The following RPS6KA6 variants were observed in gnomAD, a reference collection of about 807,000 sequenced individuals.
RPS6KA6 encodes ribosomal protein S6 kinase A6.
Under a neutral mutation model 65.4 loss-of-function variants are expected in RPS6KA6, and 27 were observed. That is an observed-to-expected ratio of 0.41 (90% CI 0.30 to 0.57). The LOEUF (loss-of-function observed/expected upper bound fraction) is 0.57, where lower values mean the gene tolerates loss of function less well. Ranked by LOEUF, RPS6KA6 falls within the 20% of genes least tolerant of loss-of-function variation. The probability of loss-of-function intolerance (pLI) is 0.24; values close to 1 mark genes in which losing one functional copy is unlikely to be tolerated. For synonymous variants in RPS6KA6, 190 were observed against 184.2 expected, an observed-to-expected ratio of 1.03 and a Z score of -0.26; for missense variants, 486 against 555.6, an observed-to-expected ratio of 0.87 and a Z score of 1.26.
chrX:84,152,142 C>T (rs1378145797), intron 3 of RPS6KA6, among the ~76,000 whole-genome samples: 1 of 111,187 alleles, frequency 9.0e-6, no homozygotes, highest in Non-Finnish European at 1.9e-5. Context: ...CCCAATATGG[C>T]ATTTAATAGG....
chrX:84,170,513 C>CTGGG (rs1253362038), intron 1 of RPS6KA6, among the ~76,000 whole-genome samples: 9 of 110,367 alleles, frequency 8.2e-5, no homozygotes, highest in Non-Finnish European at 1.7e-4. Context: ...ACTTGTAATC[C>CTGGG]CAGCTACTGG....
intron 20 of RPS6KA6, among the ~76,000 whole-genome samples, chrX:84,072,382 T>C (rs1240035905): frequency 8.9e-6 from 1 of 111,765 alleles, no homozygotes; most frequent in African/African-American, 3.2e-5. Context: ...TTAAACAAAT[T>C]AGGTATAGAA....
intron 12 of RPS6KA6, among the ~76,000 whole-genome samples, chrX:84,108,378 C>A: frequency 8.9e-6 from 1 of 111,983 alleles, no homozygotes. Flanking sequence ...AGCTAGTGGG[C>A]TAGTGGATGC....
intron 20 of RPS6KA6, among the ~76,000 whole-genome samples, chrX:84,089,126 G>T (rs2033990920): frequency 8.9e-6 from 1 of 111,851 alleles, no homozygotes; most frequent in Non-Finnish European, 1.9e-5. Flanking sequence ...AGTGAGGAGA[G>T]ATGGATTGGG....
intron 3 of RPS6KA6, among the ~76,000 whole-genome samples, chrX:84,149,907 C>T (rs1352407477): frequency 8.9e-6 from 1 of 112,025 alleles, no homozygotes; most frequent in African/African-American, 3.2e-5. Context: ...CTATGAAAGG[C>T]TAGATGGCAT....
chrX:84,119,842 T>A (rs1446263578), intron 9 of RPS6KA6, 43 bp downstream of exon 9: 28 of 1,043,570 alleles, frequency 2.7e-5, no homozygotes, highest in Non-Finnish European at 3.5e-5. Flanking sequence ...ATAAGTAATA[T>A]CAATCACAGG....
At chrX:84,169,897 G>T (rs2035653555) in intron 1 of RPS6KA6, among the ~76,000 whole-genome samples, 1 of 111,177 alleles carries the variant, frequency 9.0e-6, no homozygotes, top group Admixed American at 9.6e-5. Flanking sequence ...TTGGCCAGGT[G>T]CTGTGGCTCA....
chrX:84,140,751 A>C (rs1012993822), intron 6 of RPS6KA6, among the ~76,000 whole-genome samples: 2 of 103,737 alleles, frequency 1.9e-5, no homozygotes, highest in African/African-American at 6.9e-5. Context: ...AAAAAAAAAA[A>C]AACATACATA....
intron 3 of RPS6KA6, among the ~76,000 whole-genome samples, chrX:84,149,371 G>A (rs1030182127): frequency 8.9e-6 from 1 of 112,001 alleles, no homozygotes; most frequent in African/African-American, 3.2e-5. Context: ...ATCTAGAATA[G>A]CAAGTCCTTT....
rs183921657 is a variant in RPS6KA6 at position 84,140,488 on chromosome X, G to A, written c.501+4990C>T. On this transcript the variant is annotated intron_variant, in intron 6 of 21. Transcript: ENST00000262752. ...ACTGGGGCTCATGCCTGTAATCCCA[G>A]CATTTTGGGAGGCCAAGGCAGGCAG... is the stretch of plus-strand genomic sequence containing the variant. Among the ~76,000 whole-genome samples, 274 of 110,224 alleles carry A rather than the reference G, an allele frequency of 2.5e-3. 1 individual carries two copies. Among genetic ancestry groups the A allele is most frequent in the Admixed American group, 5.0e-3 (51 of 10,287 alleles).
chrX:84,148,463 T>G (rs2035240369), intron 3 of RPS6KA6, among the ~76,000 whole-genome samples: 2 of 111,458 alleles, frequency 1.8e-5, no homozygotes, highest in African/African-American at 6.5e-5. Context: ...TTTCTTAGAT[T>G]TAATTTAGTT....
intron 8 of RPS6KA6, among the ~76,000 whole-genome samples, chrX:84,120,714 T>C (rs779737024): frequency 5.4e-5 from 6 of 111,795 alleles, no homozygotes; most frequent in African/African-American, 9.7e-5. Flanking sequence ...GATTTAATGT[T>C]GTTAAGGTAT....
intron 3 of RPS6KA6, among the ~76,000 whole-genome samples, chrX:84,149,369 T>G (rs971095682): frequency 8.9e-6 from 1 of 112,240 alleles, no homozygotes; most frequent in Non-Finnish European, 1.9e-5. Flanking sequence ...ACATCTAGAA[T>G]AGCAAGTCCT....
intron 2 of RPS6KA6, among the ~76,000 whole-genome samples, chrX:84,157,980 A>G (rs1193888070): frequency 2.7e-5 from 3 of 109,308 alleles, no homozygotes; most frequent in African/African-American, 1.0e-4. Flanking sequence ...GATGAGAAAA[A>G]TCACTTTTCC....
At chrX:84,072,238 A>ATTT (rs2033559776) in intron 20 of RPS6KA6, among the ~76,000 whole-genome samples, 3 of 112,238 alleles carry the variant, frequency 2.7e-5, no homozygotes, top group Admixed American at 9.5e-5. Context: ...TCAGGAATAA[A>ATTT]AGGATGGTTC....
chrX:84,082,335 T>C (rs1281677969), intron 20 of RPS6KA6, among the ~76,000 whole-genome samples: 1 of 111,354 alleles, frequency 9.0e-6, no homozygotes, highest in East Asian at 2.8e-4. Context: ...ATGGGGGAAC[T>C]CCTATTCACA....
chrX:84,067,076 T>A (rs1047058223), intron 20 of RPS6KA6, among the ~76,000 whole-genome samples: 1 of 111,364 alleles, frequency 9.0e-6, no homozygotes, highest in Non-Finnish European at 1.9e-5. Flanking sequence ...AGCAACAACT[T>A]CAACATCAAC....
At chrX:84,069,458 G>T (rs1236534941) in intron 20 of RPS6KA6, among the ~76,000 whole-genome samples, 4 of 111,601 alleles carry the variant, frequency 3.6e-5, no homozygotes, top group Non-Finnish European at 1.9e-5. Flanking sequence ...AACCATAAAA[G>T]CCCTACAAGA....
intron 8 of RPS6KA6, among the ~76,000 whole-genome samples, chrX:84,121,097 G>A (rs1297317416): frequency 8.9e-6 from 1 of 112,377 alleles, no homozygotes; most frequent in Non-Finnish European, 1.9e-5. Flanking sequence ...AGTATAACGT[G>A]AATTTCACAC....
Sources: gnomAD v4.1 joint callset for allele counts (sites outside exome capture counted in the v4.1 genomes callset) on GRCh38, gnomAD v4.1.1 for gene constraint, MANE v1.5 for transcripts, NCBI Gene and HGNC (gene_info 2026-07-23, HGNC 2026-07-21) for gene names.